TBC1D14: variants seen among roughly 807,000 people sequenced by gnomAD.
TBC1D14 encodes TBC1 domain family member 14.
A neutral mutation model predicts 79.0 loss-of-function variants in TBC1D14; 26 were observed. That is an observed-to-expected ratio of 0.33 (90% confidence interval 0.24 to 0.46). The LOEUF is 0.46. Ranked by LOEUF, TBC1D14 falls within the 20% of genes least tolerant of loss-of-function variation. TBC1D14 has a pLI of 1.00. For missense variants in TBC1D14, 769 were observed against 887.6 expected (o/e 0.87, Z 1.70); for synonymous variants, 394 against 349.9 (o/e 1.13, Z -1.40).
At chr4:7,025,695 G>A in intron 13 of TBC1D14, among the ~76,000 whole-genome samples, 1 of 152,244 alleles carries the variant, frequency 6.6e-6, no homozygotes, top group Admixed American at 6.5e-5. Flanking sequence ...AGAAGGAAGT[G>A]GGATTACCCC....
intron 2 of TBC1D14, among the ~76,000 whole-genome samples, chr4:6,958,287 C>T (rs546748096): frequency 2.0e-5 from 3 of 151,782 alleles, no homozygotes; most frequent in Non-Finnish European, 4.4e-5. Context: ...TACTGGGGGT[C>T]GAGGGGGTTA....
chr4:6,989,534 C>T (rs1718267531), intron 3 of TBC1D14, among the ~76,000 whole-genome samples: 2 of 151,952 alleles, frequency 1.3e-5, no homozygotes, highest in South Asian at 4.2e-4. Context: ...GCATCCTGCC[C>T]TTCCTCCCAC....
intron 3 of TBC1D14, among the ~76,000 whole-genome samples, chr4:6,974,426 C>T (rs2109070797): frequency 6.6e-6 from 1 of 152,274 alleles, no homozygotes; most frequent in East Asian, 1.9e-4. Context: ...AGAGGAGGAG[C>T]TCAGGAAGGT....
At chr4:7,003,694 T>G (rs1419319869) in intron 7 of TBC1D14, among the ~76,000 whole-genome samples, 4 of 152,128 alleles carry the variant, frequency 2.6e-5, no homozygotes, top group Admixed American at 6.5e-5. Flanking sequence ...TGGGAGCTGA[T>G]CAGGAACATC....
At chr4:7,021,102 T>G (rs1377529740) in intron 12 of TBC1D14, among the ~76,000 whole-genome samples, 4 of 152,206 alleles carry the variant, frequency 2.6e-5, no homozygotes, top group Non-Finnish European at 5.9e-5. Context: ...CCTTACCCCA[T>G]GGTGCTTCCT....
At chr4:7,006,322 T>C (rs2109228220) in intron 8 of TBC1D14, among the ~76,000 whole-genome samples, 2 of 152,280 alleles carry the variant, frequency 1.3e-5, no homozygotes, top group Non-Finnish European at 2.9e-5. Flanking sequence ...TTGTGTTTAT[T>C]CTCCTACTTG....
At chr4:6,914,618 A>G (rs1723249210) in intron 1 of TBC1D14, among the ~76,000 whole-genome samples, 1 of 152,188 alleles carries the variant, frequency 6.6e-6, no homozygotes, top group Non-Finnish European at 1.5e-5. Context: ...TGACAGAACT[A>G]GTGCATATAG....
chr4:7,003,985 G>A (rs1448168020), intron 7 of TBC1D14, among the ~76,000 whole-genome samples: 3 of 152,226 alleles, frequency 2.0e-5, no homozygotes, highest in Non-Finnish European at 4.4e-5. Flanking sequence ...TCCAGCCTGG[G>A]CGACAGAGCA....
At chr4:7,024,795 G>T (rs779081005) in intron 12 of TBC1D14, among the ~76,000 whole-genome samples, 3 of 152,212 alleles carry the variant, frequency 2.0e-5, no homozygotes, top group African/African-American at 7.2e-5. Flanking sequence ...GAAGCTGTGT[G>T]CTGCATGATT....
chr4:6,978,686 C>G (rs1478643160), intron 3 of TBC1D14, among the ~76,000 whole-genome samples: 2 of 147,102 alleles, frequency 1.4e-5, no homozygotes, highest in African/African-American at 5.2e-5. Context: ...CCACTATTGT[C>G]CCGTGATCCT....
chr4:6,913,440 A>G (rs1205637320), intron 1 of TBC1D14, among the ~76,000 whole-genome samples: 1 of 152,228 alleles, frequency 6.6e-6, no homozygotes, highest in Non-Finnish European at 1.5e-5. Flanking sequence ...GAAGGGGGAT[A>G]AAGTTTAGGG....
At chr4:6,913,252 C>G (rs1262169543) in intron 1 of TBC1D14, among the ~76,000 whole-genome samples, 1 of 152,226 alleles carries the variant, frequency 6.6e-6, no homozygotes, top group Non-Finnish European at 1.5e-5. Context: ...GCCTGGGCCT[C>G]CCAAAGTGCT....
chr4:7,017,524 G>A (rs1446815442), intron 12 of TBC1D14, among the ~76,000 whole-genome samples: 4 of 152,166 alleles, frequency 2.6e-5, no homozygotes, highest in Admixed American at 2.0e-4. Flanking sequence ...ATAGCATGTC[G>A]AGTGTAGAAC....
chr4:7,000,925 C>T (rs865855181), intron 6 of TBC1D14, among the ~76,000 whole-genome samples: 1 of 152,192 alleles, frequency 6.6e-6, no homozygotes, highest in Non-Finnish European at 1.5e-5. Context: ...TGGTGACCTA[C>T]GCTATGCTGT....
At chr4:6,914,858 G>T (rs1314446447) in intron 1 of TBC1D14, among the ~76,000 whole-genome samples, 2 of 152,210 alleles carry the variant, frequency 1.3e-5, no homozygotes, top group Non-Finnish European at 2.9e-5. Context: ...GGCCAACAGG[G>T]TGAAACCCTG....
Position 6,923,561 on chromosome 4 carries a change from C to T in TBC1D14, c.172C>T (p.Arg58Trp), listed in dbSNP as rs757038790. ...PKLKLRALED[R>W]HSLQSVDSGI... ...GCTGAAACTCAGGGCTTTAGAAGAC[C>T]GGCACAGCCTCCAGTCCGTGGACTC... Residue 58 changes from arginine to tryptophan, a missense_variant, in exon 2 of 14, where the codon CGG (arginine) becomes TGG (tryptophan). Around this residue, in one of 2 missense-constraint regions of TBC1D14, gnomAD observed 402 missense variants for 393.2 expected, o/e 1.02. Coordinates refer to ENST00000409757, the MANE Select transcript of TBC1D14 (RefSeq NM_020773.3). The T allele has an allele frequency of 1.2e-5, 20 of 1,614,008 alleles. No homozygotes were observed. Among genetic ancestry groups the T allele is most frequent in the South Asian group, 2.2e-5 (2 of 91,086 alleles).
chr4:6,972,691 G>C (rs1303075400), intron 3 of TBC1D14, among the ~76,000 whole-genome samples: 1 of 152,170 alleles, frequency 6.6e-6, no homozygotes, highest in Non-Finnish European at 1.5e-5. Context: ...GGATGAGGAA[G>C]GGGCTTTACT....
intron 3 of TBC1D14, among the ~76,000 whole-genome samples, chr4:6,972,084 T>A (rs1716273824): frequency 6.6e-6 from 1 of 152,224 alleles, no homozygotes; most frequent in Non-Finnish European, 1.5e-5. Context: ...TGCAGTCCTT[T>A]GCCTTGTGAG....
At chr4:7,007,565 T>C in intron 9 of TBC1D14, 2 of 1,289,380 alleles carry the variant, frequency 1.6e-6, no homozygotes, top group Non-Finnish European at 2.0e-6. Context: ...TTCAGAAATC[T>C]TTTCAGAAGA....
Sources: gnomAD v4.1 joint callset for allele counts (sites outside exome capture counted in the v4.1 genomes callset) on GRCh38, gnomAD v4.1.1 for gene constraint, gnomAD v4.1.1 regional missense constraint, MANE v1.5 for transcripts, NCBI Gene and HGNC (gene_info 2026-07-23, HGNC 2026-07-21) for gene names.